IL1RN: variants seen among roughly 807,000 people sequenced by gnomAD.
IL1RN encodes the protein interleukin-1 receptor antagonist protein.
In IL1RN, 10 loss-of-function variants were observed where a neutral mutation model predicts 13.7. The ratio of observed to expected loss-of-function variants is 0.73; its 90% CI spans 0.45 to 1.24. IL1RN has a LOEUF of 1.24. Among genes scored for constraint, IL1RN ranks in the 50% most tolerant of loss-of-function variants. IL1RN has a pLI of 0.00. For synonymous variants in IL1RN, 102 were observed against 82.7 expected (o/e 1.23, Z -1.27); for missense variants, 213 against 222.1 (o/e 0.96, Z 0.26).
chr2:113,129,437 C>T lies in IL1RN; in HGVS notation c.117-139C>T, dbSNP rs1687079899. ...GCCTCAGTCTTCTCATCCATGCATG[C>T]CGTGGGTATACTAAAATACTATACC... On this transcript the variant is annotated intron_variant, in intron 1 of 3. Transcript: ENST00000409930. 9 of 720,958 alleles carry T rather than the reference C, an allele frequency of 1.2e-5. No individual in the cohort carries two copies. The South Asian group carries it at 1.3e-4, about 10-fold the overall frequency. The allele number at this position is 720,958 out of a possible 1,614,324, so 44.7% of individuals were successfully genotyped here. A position where few individuals can be genotyped will look rare whatever the true frequency, so the allele number is the denominator to read the frequency against.
Position 113,120,340 on chromosome 2 carries a change from C to CTATGTATGTATGTATG in IL1RN, c.73+225_73+240dup, listed in dbSNP as rs4251988. On this transcript the variant is annotated intron_variant, in intron 2 of 5. Transcript: ENST00000259206. ...TTTTGAATACTCCTGTGTGATTGCT[C>CTATGTATGTATGTATG]TATGTATGTATGTATGTATGTATGT... 9.9e-5 allele frequency among the ~76,000 whole-genome samples: 15 copies of CTATGTATGTATGTATG among 151,724 alleles called. No individual in the cohort carries two copies. The South Asian group carries it at 2.9e-3, about 30-fold the overall frequency.
intron 1 of IL1RN, among the ~76,000 whole-genome samples, chr2:113,112,017 A>C (rs887161028): frequency 2.0e-5 from 3 of 152,234 alleles, no homozygotes; most frequent in Admixed American, 6.5e-5. Flanking sequence ...TTTGCTGGGC[A>C]CAGCCTCCTT....
At chr2:113,132,581 G>A in intron 3 of IL1RN, 75 bp from the exon 4 acceptor site, 1 of 1,358,812 alleles carries the variant, frequency 7.4e-7, no homozygotes, top group East Asian at 2.3e-5. Flanking sequence ...GCCATTTCAT[G>A]GCGTGGAGTG....
chr2:113,133,011 A>C lies in IL1RN; in HGVS notation c.*140A>C. On this transcript the variant is annotated 3_prime_UTR_variant, in exon 4 of 4. Transcript: ENST00000409930. ...TGGACCCTCAGAAGGCGTCACAACA[A>C]CCTGGTCACAGGACTCTGCCTCCTC... 1.3e-6 allele frequency: 1 copy of C among 769,228 alleles called. No homozygotes were observed. The highest frequency in any genetic ancestry group is 2.3e-6 in the Non-Finnish European group (1 of 438,936). 47.7% of individuals were successfully genotyped at this position (769,228 alleles called of 1,614,324 possible). A position where few individuals can be genotyped will look rare whatever the true frequency, so the allele number is the denominator to read the frequency against.
chr2:113,131,837 G>A (rs374887950), intron 3 of IL1RN, among the ~76,000 whole-genome samples: 1 of 152,184 alleles, frequency 6.6e-6, no homozygotes, highest in African/African-American at 2.4e-5. Flanking sequence ...TTGTCTCAGG[G>A]GCTTGCTGGA....
upstream of IL1RN, among the ~76,000 whole-genome samples, chr2:113,126,473 A>G (rs1434268867): frequency 6.6e-6 from 1 of 152,230 alleles, no homozygotes; most frequent in Non-Finnish European, 1.5e-5. Flanking sequence ...ACTGCAACGT[A>G]TGCTTCTGCA....
chr2:113,120,632 T>A (rs1686739677), intron 2 of IL1RN, among the ~76,000 whole-genome samples: 1 of 152,190 alleles, frequency 6.6e-6, no homozygotes, highest in African/African-American at 2.4e-5. Flanking sequence ...AGTTGGTCAC[T>A]CTAGTCCATA....
chr2:113,104,018 A>G (rs545297312), upstream of IL1RN, among the ~76,000 whole-genome samples: 3 of 151,592 alleles, frequency 2.0e-5, no homozygotes, highest in African/African-American at 7.3e-5. Flanking sequence ...TCTTAAACCA[A>G]ATTTTCTCAG....
chr2:113,102,526 C>T (rs988341889), upstream of IL1RN, among the ~76,000 whole-genome samples: 4 of 152,102 alleles, frequency 2.6e-5, no homozygotes, highest in South Asian at 2.1e-4. Context: ...AGAGGTCAGG[C>T]GTGTCACGTG....
At chr2:113,113,124 T>C (rs1686528886), upstream of IL1RN, 1 of 152,214 alleles carries the variant, frequency 6.6e-6, no homozygotes, top group Non-Finnish European at 1.5e-5. Context: ...GGTAAGCTGA[T>C]TGGAGTTTGC....
upstream of IL1RN, among the ~76,000 whole-genome samples, chr2:113,105,405 T>C (rs1201204040): frequency 1.3e-5 from 2 of 152,208 alleles, no homozygotes; most frequent in African/African-American, 2.4e-5. Flanking sequence ...GTAATCATTA[T>C]GTCACTCATT....
upstream of IL1RN, among the ~76,000 whole-genome samples, chr2:113,116,986 C>A (rs45488591): frequency 1.3e-5 from 2 of 152,224 alleles, no homozygotes; most frequent in Admixed American, 6.5e-5. Flanking sequence ...GGGGACTAGA[C>A]CCGGGACTTC....
chr2:113,130,046 G>A (rs1440888628), intron 2 of IL1RN: 1 of 270,266 alleles, frequency 3.7e-6, no homozygotes, highest in Non-Finnish European at 7.4e-6. Flanking sequence ...ATAAGGTTGA[G>A]CTATGTCTCT....
rs1687214971 is a variant in IL1RN, at chr2:113,132,694, G to A, written c.357G>A (p.Gln119=). Residue 119 remains glutamine (Q), a synonymous_variant, in exon 4 of 4, where the codon CAG becomes CAA. Transcript: ENST00000409930. ...NITDLSENRK[Q]DKRFAFIRSD... ...CTGACCTGAGCGAGAACAGAAAGCA[G>A]GACAAGCGCTTCGCCTTCATCCGCT... is the stretch of plus-strand genomic sequence containing the variant. 2.5e-6 allele frequency: 4 copies of A among 1,614,236 alleles called. No individual in the cohort carries two copies. Among genetic ancestry groups the A allele is most frequent in the Non-Finnish European group, 3.4e-6 (4 of 1,180,038 alleles).
rs762665367 is a variant in IL1RN, at chr2:113,129,573, C to T, written c.117-3C>T. The T allele has an allele frequency of 1.2e-6, 2 of 1,601,444 alleles. No homozygotes were observed. Among genetic ancestry groups the T allele is most frequent in the Admixed American group, 1.7e-5 (1 of 60,014 alleles). ...ACTACAGCTGAGTCCTTTTCCTTTT[C>T]AGAATCTGGGATGTTAACCAGAAGA... On this transcript the variant is annotated splice_polypyrimidine_tract_variant and splice_region_variant and intron_variant, in intron 1 of 3. Transcript: ENST00000409930.
upstream of IL1RN, among the ~76,000 whole-genome samples, chr2:113,109,808 A>C (rs1168450227): frequency 6.6e-6 from 1 of 151,754 alleles, no homozygotes; most frequent in Non-Finnish European, 1.5e-5. Flanking sequence ...TGGAAGAGCC[A>C]TGGCTATCAG....
At chr2:113,122,410 C>T (rs187162408) in intron 2 of IL1RN, among the ~76,000 whole-genome samples, 13 of 152,272 alleles carry the variant, frequency 8.5e-5, no homozygotes, top group African/African-American at 3.1e-4. Context: ...CTCTGGGGTG[C>T]GGCAGCCAGC....
upstream of IL1RN, among the ~76,000 whole-genome samples, chr2:113,127,157 C>T (rs192014641): frequency 2.0e-5 from 3 of 152,318 alleles, no homozygotes; most frequent in Admixed American, 2.0e-4. Flanking sequence ...ATCTATGGTC[C>T]GGAGTCCAAG....
rs1292754474 is a variant in IL1RN, at chr2:113,131,088, G to C, written c.249G>C (p.Leu83Phe). Residue 83 changes from leucine (L) to phenylalanine (F), a missense_variant, in exon 3 of 4, where the codon TTG (leucine) becomes TTC (phenylalanine). Coordinates refer to ENST00000409930, the MANE Select transcript of IL1RN (RefSeq NM_173842.3). Reference protein sequence around the residue: ...VVPIEPHALFLGIHGGKMCLS... With the variant: ...VVPIEPHALFFGIHGGKMCLS... The stretch of plus-strand genomic sequence containing the variant: ...CCATTGAGCCTCATGCTCTGTTCTT[G>C]GGAATCCATGGAGGGAAGATGTGCC... 6.2e-7 allele frequency: 1 copy of C among 1,613,834 alleles called. No homozygotes were observed. Among genetic ancestry groups the C allele is most frequent in the East Asian group, 2.2e-5 (1 of 44,892 alleles).
Sources: gnomAD v4.1 joint callset for allele counts (sites outside exome capture counted in the v4.1 genomes callset) on GRCh38, gnomAD v4.1.1 for gene constraint, MANE v1.5 for transcripts, NCBI Gene and HGNC (gene_info 2026-07-23, HGNC 2026-07-21) for gene names.